NRG1: variants seen among roughly 807,000 people sequenced by gnomAD.
NRG1 encodes pro-neuregulin-1, membrane-bound isoform.
A neutral mutation model predicts 63.8 loss-of-function variants in NRG1; 18 were observed. That is an observed-to-expected ratio of 0.28 (90% CI 0.19 to 0.42). The LOEUF (loss-of-function observed/expected upper bound fraction) is 0.42. Ranked by LOEUF, NRG1 falls within the 10% of genes least tolerant of loss-of-function variation. NRG1 has a pLI of 1.00. For missense variants in NRG1, 762 were observed against 814.7 expected, an observed-to-expected ratio of 0.94 and a Z score of 0.79; for synonymous variants, 302 against 301.3, an observed-to-expected ratio of 1.00 and a Z score of -0.02.
chr8:32,740,289 G>C (rs886703596), intron 6 of NRG1, among the ~76,000 whole-genome samples: 1 of 138,782 alleles, frequency 7.2e-6, no homozygotes, highest in African/African-American at 2.7e-5. Flanking sequence ...TCTGCCTCCC[G>C]GGTTCAAGTG....
At chr8:32,283,259 T>C (rs1853099228) in intron 1 of NRG1, among the ~76,000 whole-genome samples, 2 of 152,218 alleles carry the variant, frequency 1.3e-5, no homozygotes, top group Non-Finnish European at 2.9e-5. Context: ...TTTTTTCTTT[T>C]TCATTTGCTC....
chr8:32,231,854 C>T (rs184299148), intron 1 of NRG1, among the ~76,000 whole-genome samples: 1 of 151,302 alleles, frequency 6.6e-6, no homozygotes, highest in East Asian at 2.0e-4. Flanking sequence ...GAGATCATAC[C>T]ACTGCCCTCC....
intron 5 of NRG1, among the ~76,000 whole-genome samples, chr8:32,650,146 G>A (rs560090420): frequency 2.0e-5 from 3 of 152,286 alleles, no homozygotes; most frequent in South Asian, 4.1e-4. Flanking sequence ...ATGTTGTGAA[G>A]TTTTGATAAA....
At chr8:32,469,940 C>T (rs1823573590) in intron 1 of NRG1, among the ~76,000 whole-genome samples, 1 of 152,134 alleles carries the variant, frequency 6.6e-6, no homozygotes, top group South Asian at 2.1e-4. Flanking sequence ...TCACTGCAAG[C>T]TCCGTCTCCC....
intron 9 of NRG1, among the ~76,000 whole-genome samples, chr8:32,756,795 G>C (rs968866886): frequency 5.9e-5 from 9 of 152,198 alleles, no homozygotes; most frequent in African/African-American, 2.2e-4. Context: ...GGAGGCCATA[G>C]CTGGGGCTTG....
intron 1 of NRG1, among the ~76,000 whole-genome samples, chr8:31,952,468 A>G (rs532279633): frequency 2.6e-4 from 40 of 152,342 alleles, no homozygotes; most frequent in South Asian, 1.2e-3. Context: ...GAGTATGTCT[A>G]ACAGGCAGAA....
At chr8:32,182,048 T>C (rs1841484917) in intron 1 of NRG1, among the ~76,000 whole-genome samples, 1 of 152,184 alleles carries the variant, frequency 6.6e-6, no homozygotes, top group East Asian at 1.9e-4. Context: ...CCATATTACC[T>C]AATTCAGTTC....
intron 1 of NRG1, among the ~76,000 whole-genome samples, chr8:32,182,032 C>CTTGAATAG (rs1367055583): frequency 1.3e-5 from 2 of 152,176 alleles, no homozygotes; most frequent in Non-Finnish European, 2.9e-5. Context: ...GTGTAAAATT[C>CTTGAATAG]TACTTCCATA....
At chr8:32,519,620 C>T (rs1830147274) in intron 1 of NRG1, among the ~76,000 whole-genome samples, 1 of 152,054 alleles carries the variant, frequency 6.6e-6, no homozygotes, top group Non-Finnish European at 1.5e-5. Context: ...ACACACATAT[C>T]CTGTTATTTT....
chr8:31,960,356 A>C (rs1049419264), intron 1 of NRG1, among the ~76,000 whole-genome samples: 37 of 152,126 alleles, frequency 2.4e-4, no homozygotes, highest in African/African-American at 8.4e-4. Flanking sequence ...GTGAGTGAGG[A>C]GGGAGACTTC....
chr8:32,572,322 C>T (rs950594702), intron 1 of NRG1, among the ~76,000 whole-genome samples: 4 of 152,092 alleles, frequency 2.6e-5, no homozygotes, highest in Non-Finnish European at 5.9e-5. Flanking sequence ...GATCTTAGAG[C>T]CCTCATAGGA....
chr8:32,550,050 C>T (rs1286888719), intron 1 of NRG1, among the ~76,000 whole-genome samples: 2 of 152,164 alleles, frequency 1.3e-5, no homozygotes, highest in East Asian at 1.9e-4. Context: ...GCTTGGTCTT[C>T]TTACTGGTAT....
At chr8:32,321,310 A>G (rs1484933911) in intron 1 of NRG1, among the ~76,000 whole-genome samples, 2 of 152,116 alleles carry the variant, frequency 1.3e-5, no homozygotes, top group Admixed American at 1.3e-4. Context: ...ATATCTTTTT[A>G]GCTTATTGAT....
chr8:31,856,540 T>G (rs1376371855), intron 1 of NRG1, among the ~76,000 whole-genome samples: 1 of 152,208 alleles, frequency 6.6e-6, no homozygotes, highest in Non-Finnish European at 1.5e-5. Context: ...GTTTTCAACT[T>G]CTTTGCCTTT....
chr8:32,439,748 A>T (rs1180347528), intron 1 of NRG1, among the ~76,000 whole-genome samples: 1 of 150,232 alleles, frequency 6.7e-6, no homozygotes, highest in Admixed American at 6.8e-5. Flanking sequence ...ATTATAATTA[A>T]CTACTAAAAA....
chr8:32,533,306 A>T (rs1313388567), intron 1 of NRG1, among the ~76,000 whole-genome samples: 2 of 152,098 alleles, frequency 1.3e-5, no homozygotes, highest in East Asian at 3.8e-4. Context: ...TGGAAACAGC[A>T]TGTAATCGGG....
At chr8:32,509,259 A>G (rs1828902001) in intron 1 of NRG1, among the ~76,000 whole-genome samples, 1 of 151,480 alleles carries the variant, frequency 6.6e-6, no homozygotes, top group Non-Finnish European at 1.5e-5. Context: ...CACCCAGCTA[A>G]TTTTTGTATT....
At chr8:31,830,460 C>G (rs1315182256) in intron 1 of NRG1, among the ~76,000 whole-genome samples, 1 of 151,720 alleles carries the variant, frequency 6.6e-6, no homozygotes, top group African/African-American at 2.4e-5. Context: ...CTTAGATCAG[C>G]TGGGACAACT....
intron 5 of NRG1, among the ~76,000 whole-genome samples, chr8:32,640,640 A>ACG (rs1852204136): frequency 6.6e-6 from 1 of 151,388 alleles, no homozygotes; most frequent in Non-Finnish European, 1.5e-5. Flanking sequence ...ACACACACAC[A>ACG]CACACACACA....
Sources: allele counts gnomAD v4.1 joint callset (sites outside exome capture counted in the v4.1 genomes callset), GRCh38; gene constraint gnomAD v4.1.1; transcripts MANE v1.5; gene names NCBI Gene and HGNC (gene_info 2026-07-23, HGNC 2026-07-21).